The following ACSBG1 variants were observed in gnomAD, a reference collection of about 807,000 sequenced individuals.
ACSBG1 encodes long-chain-fatty-acid--CoA ligase ACSBG1.
Under a neutral mutation model 80.2 loss-of-function variants are expected in ACSBG1, and 39 were observed. The observed-to-expected ratio is 0.49, with a 90% CI of 0.38 to 0.64. The LOEUF (loss-of-function observed/expected upper bound fraction) is 0.64. ACSBG1 is among the 30% of genes least tolerant of loss of function. The probability of loss-of-function intolerance (pLI) is 0.00; values close to 1 mark genes in which losing one functional copy is unlikely to be tolerated. For missense variants in ACSBG1, 828 were observed against 966.4 expected (o/e 0.86, Z 1.90); for synonymous variants, 392 against 379.5 (o/e 1.03, Z -0.38).
chr15:78,182,828 T>C lies in ACSBG1; in HGVS notation c.664-43A>G, dbSNP rs189211565. On this transcript the variant is annotated intron_variant, in intron 5 of 13. Transcript: ENST00000258873. ...ATAGATCAGGTTTCAGTAAGAGAAA[T>C]GTCACCTTCTAAAAAGTACCCCATC... 778 of 1,605,560 alleles carry C rather than the reference T, an allele frequency of 4.8e-4. 1 individual carries two copies. Among genetic ancestry groups the C allele is most frequent in the Middle Eastern group, 2.6e-3 (16 of 6,050 alleles).
chr15:78,180,970 C>T lies in ACSBG1; in HGVS notation c.1072-34G>A, dbSNP rs1350698176. ...ACCAGAAGAGGCAGGCCTGTTGGGT[C>T]AGGGGCATCTGGGGCCCAGGGGTCC... On this transcript the variant is annotated intron_variant, in intron 8 of 13. Coordinates refer to ENST00000258873, the MANE Select transcript of ACSBG1 (RefSeq NM_015162.5). The T allele has an allele frequency of 4.4e-6, 7 of 1,597,350 alleles. No homozygotes were observed. The East Asian group carries it at 1.6e-4, about 36-fold the overall frequency.
Position 78,178,899 on chromosome 15 carries a change from G to A in ACSBG1, c.1485-68C>T, listed in dbSNP as rs1027078112. On this transcript the variant is annotated intron_variant, in intron 10 of 13. Coordinates refer to ENST00000258873, the MANE Select transcript of ACSBG1 (RefSeq NM_015162.5). The surrounding 1 kb of genome is among the most constrained non-coding windows in gnomAD (Gnocchi z 4.3). Reference sequence around the variant, plus strand: ...TCCTCCAAGCCCCCACTGGGGAGCCGGGGTCCCAACTGCTCGGTCTTCACT... The same window carrying A: ...TCCTCCAAGCCCCCACTGGGGAGCCAGGGTCCCAACTGCTCGGTCTTCACT... 1.6e-5 allele frequency: 24 copies of A among 1,491,056 alleles called. No homozygotes were observed. The highest frequency in any genetic ancestry group is 2.0e-5 in the Admixed American group (1 of 48,992). 92.4% of individuals were successfully genotyped at this position (1,491,056 alleles called of 1,614,324 possible).
intron 5 of ACSBG1, among the ~76,000 whole-genome samples, chr15:78,191,972 T>C (rs1350362484): frequency 6.6e-6 from 1 of 152,052 alleles, no homozygotes; most frequent in African/African-American, 2.4e-5. Flanking sequence ...TTTATGGAGG[T>C]AATGAAGTTA....
chr15:78,178,490 T>C lies in ACSBG1; in HGVS notation c.1702+124A>G. The C allele has an allele frequency of 9.6e-7, 1 of 1,043,736 alleles. No homozygotes were observed. The highest frequency in any genetic ancestry group is 1.3e-6 in the Non-Finnish European group (1 of 745,086). 64.7% of individuals were successfully genotyped at this position (1,043,736 alleles called of 1,614,324 possible). A position where few individuals can be genotyped will look rare whatever the true frequency, so the allele number is the denominator to read the frequency against. On this transcript the variant is annotated intron_variant, in intron 11 of 13. Transcript: ENST00000258873. The surrounding 1 kb of genome is among the most constrained non-coding windows in gnomAD (Gnocchi z 4.3). Reference sequence around the variant, plus strand: ...ATTTTTCGTGTGTTTTTAGTAGAGATGGGGTTTCGCTGTGCTGCCCAGGGT... The same window carrying C: ...ATTTTTCGTGTGTTTTTAGTAGAGACGGGGTTTCGCTGTGCTGCCCAGGGT...
At chr15:78,180,608 G>T in intron 9 of ACSBG1, 147 bp downstream of exon 9, 1 of 1,010,346 alleles carries the variant, frequency 9.9e-7, no homozygotes, top group Non-Finnish European at 1.4e-6. Flanking sequence ...CTCAAGCCCA[G>T]TCATTGATGG....
At chr15:78,216,814 T>G (rs1045283533) in intron 1 of ACSBG1, among the ~76,000 whole-genome samples, 5 of 152,196 alleles carry the variant, frequency 3.3e-5, no homozygotes, top group Non-Finnish European at 7.3e-5. Flanking sequence ...AGTGTCCAAC[T>G]CTGTCATGCC....
At chr15:78,192,580 C>A (rs772626370) in intron 5 of ACSBG1, among the ~76,000 whole-genome samples, 8 of 152,210 alleles carry the variant, frequency 5.3e-5, no homozygotes, top group Non-Finnish European at 8.8e-5. Flanking sequence ...CAGCCTGGGT[C>A]TCCCCCAAGG....
At chr15:78,185,916 G>A (rs996278561) in intron 5 of ACSBG1, among the ~76,000 whole-genome samples, 5 of 151,952 alleles carry the variant, frequency 3.3e-5, no homozygotes, top group African/African-American at 4.8e-5. Context: ...CAGATAAAAT[G>A]ACTTTTAAAA....
At chr15:78,181,838 G>A in intron 8 of ACSBG1, 131 bp downstream of exon 8, 1 of 1,232,196 alleles carries the variant, frequency 8.1e-7, no homozygotes. Flanking sequence ...TGTGCCCACT[G>A]CAGCTGACAG....
intron 1 of ACSBG1, among the ~76,000 whole-genome samples, chr15:78,217,684 A>G (rs930538752): frequency 6.6e-6 from 1 of 150,724 alleles, no homozygotes. Context: ...CTCCTGCCTC[A>G]GCTCCCCGAG....
intron 9 of ACSBG1, among the ~76,000 whole-genome samples, chr15:78,180,025 T>G (rs2074925860): frequency 1.3e-5 from 2 of 152,284 alleles, no homozygotes; most frequent in Non-Finnish European, 2.9e-5. Context: ...GTCAAACAGA[T>G]TCAGCTGTGT....
rs142406438 is a variant in ACSBG1, at chr15:78,172,338, G to A, written c.2090-809C>T. Among the ~76,000 whole-genome samples, 225 of 152,344 alleles carry A rather than the reference G, an allele frequency of 1.5e-3. 2 individuals are homozygous for A. The highest frequency in any genetic ancestry group is 1.7e-3 in the Non-Finnish European group (119 of 68,036). ...ACATCATCTCTGCATTTTTGTGAAC[G>A]TTTATACAACGTTGGACATTATGCT... is the stretch of plus-strand genomic sequence containing the variant. On this transcript the variant is annotated intron_variant, in intron 13 of 13. Coordinates refer to ENST00000258873, the MANE Select transcript of ACSBG1 (RefSeq NM_015162.5). The surrounding 1 kb of genome is among the most constrained non-coding windows in gnomAD (Gnocchi z 4.1).
intron 1 of ACSBG1, among the ~76,000 whole-genome samples, chr15:78,233,710 GCCTGCCTTCTT>G (rs1567104522): frequency 6.6e-6 from 1 of 152,180 alleles, no homozygotes; most frequent in Non-Finnish European, 1.5e-5. Flanking sequence ...GTGCGCGTGC[GCCTGCCTTCTT>G]CCTGCCTTCT....
chr15:78,216,278 C>T lies in ACSBG1; in HGVS notation c.132-8176G>A, dbSNP rs140022715. The stretch of plus-strand genomic sequence containing the variant: ...ACAAAAATGGACACAGTCCCTGCCT[C>T]GAAGATTTAGAGATGATGGGATCGA... On this transcript the variant is annotated intron_variant, in intron 1 of 13. Coordinates refer to ENST00000258873, the MANE Select transcript of ACSBG1 (RefSeq NM_015162.5). Among the ~76,000 whole-genome samples, 22 of 152,150 alleles carry T rather than the reference C, an allele frequency of 1.4e-4. No homozygotes were observed. In the Middle Eastern group the frequency reaches 0.017, roughly 118 times the overall value.
intron 2 of ACSBG1, among the ~76,000 whole-genome samples, chr15:78,202,513 C>T (rs1234554530): frequency 6.6e-6 from 1 of 152,166 alleles, no homozygotes; most frequent in Non-Finnish European, 1.5e-5. Flanking sequence ...CCGGCCTCCT[C>T]CTAGCCTCTT....
chr15:78,213,048 GC>G (rs1387389655), intron 1 of ACSBG1, among the ~76,000 whole-genome samples: 3 of 152,112 alleles, frequency 2.0e-5, no homozygotes, highest in Non-Finnish European at 4.4e-5. Context: ...TGCTCAGCGG[GC>G]AAAGCAGAAC....
rs137936600 is a variant in ACSBG1 at position 78,213,779 on chromosome 15, G to A, written c.132-5677C>T. 5 of 152,404 alleles carry A rather than the reference G, an allele frequency of 3.3e-5. No homozygotes were observed. The South Asian group carries it at 8.3e-4, about 25-fold the overall frequency. The allele number at this position is 152,404 out of a possible 1,614,324, so 9.4% of individuals were successfully genotyped here. A position where few individuals can be genotyped will look rare whatever the true frequency, so the allele number is the denominator to read the frequency against. On this transcript the variant is annotated intron_variant, in intron 1 of 13. Coordinates refer to ENST00000258873, the MANE Select transcript of ACSBG1 (RefSeq NM_015162.5). ...TGGGTCCCCCAGGGCTGGGCGAGAA[G>A]CTCGTCTTTTTGTTTGGTTTGGTTC... is the stretch of plus-strand genomic sequence containing the variant.
chr15:78,202,810 C>G (rs2075180828), intron 2 of ACSBG1, among the ~76,000 whole-genome samples: 1 of 152,096 alleles, frequency 6.6e-6, no homozygotes, highest in Non-Finnish European at 1.5e-5. Flanking sequence ...CTGGAAGTTA[C>G]TCAAGGGAAG....
intron 1 of ACSBG1, among the ~76,000 whole-genome samples, chr15:78,222,326 A>G (rs2075365557): frequency 1.3e-5 from 2 of 152,182 alleles, no homozygotes; most frequent in African/African-American, 4.8e-5. Flanking sequence ...GTGACTACTA[A>G]TGGGTATAGG....
Sources: allele counts gnomAD v4.1 joint callset (sites outside exome capture counted in the v4.1 genomes callset), GRCh38; gene constraint gnomAD v4.1.1; non-coding constraint Gnocchi (gnomAD v3.1); transcripts MANE v1.5; gene names NCBI Gene and HGNC (gene_info 2026-07-23, HGNC 2026-07-21).